The following FAM90A1 variants were observed in gnomAD, a reference collection of about 807,000 sequenced individuals.
FAM90A1 encodes the protein family with sequence similarity 90 member A1, also known as protein FAM90A1.
Under a neutral mutation model 14.8 loss-of-function variants are expected in FAM90A1, and 10 were observed. The observed-to-expected ratio is 0.67, with a 90% CI of 0.42 to 1.14. FAM90A1 has a LOEUF of 1.14. Ranked by LOEUF, FAM90A1 falls within the 50% of genes most tolerant of loss-of-function variation. The pLI is 0.00. For missense variants in FAM90A1, 567 were observed against 602.8 expected, an observed-to-expected ratio of 0.94 and a Z score of 0.62; for synonymous variants, 236 against 248.4, an observed-to-expected ratio of 0.95 and a Z score of 0.47.
intron 5 of FAM90A1, among the ~76,000 whole-genome samples, 153 bp from the exon 6 acceptor site, chr12:8,223,710 C>T (rs1193447571): frequency 1.3e-5 from 2 of 152,218 alleles, no homozygotes; most frequent in Non-Finnish European, 2.9e-5. Flanking sequence ...CACGTGCCAA[C>T]CTTCCCATCC....
At position 8,221,887 on chromosome 12, in the gene FAM90A1, T is replaced by C. The variant is rs1356674881; in HGVS notation, c.1330A>G (p.Ser444Gly). Residue 444 changes from serine (S) to glycine (G), a missense_variant, in exon 7 of 7, where the codon AGC (serine) becomes GGC (glycine). Transcript: ENST00000538603. ...ACCTGAAGGTCCTCATAGAGGACGCTTGGTGGGACACGAACACAGGGACCC... is the reference window on the plus strand; with the variant it reads ...ACCTGAAGGTCCTCATAGAGGACGCCTGGTGGGACACGAACACAGGGACCC... ...SEGPCVRVPP[S>G]VLYEDLQVPS... 6.3e-7 allele frequency: 1 copy of C among 1,596,448 alleles called. No homozygotes were observed. The highest frequency in any genetic ancestry group is 2.2e-5 in the East Asian group (1 of 44,872).
intron 4 of FAM90A1, 59 bp downstream of exon 4, chr12:8,224,651 C>T: frequency 2.9e-6 from 2 of 685,778 alleles, no homozygotes; most frequent in East Asian, 3.7e-5. Flanking sequence ...CCGTGTGACA[C>T]CCCGTCCCCC....
rs755731777 is a variant in FAM90A1 at position 8,224,157 on chromosome 12, A to G, written c.182T>C (p.Met61Thr). 2 of 1,611,962 alleles carry G rather than the reference A, an allele frequency of 1.2e-6. No individual in the cohort carries two copies. The highest frequency in any genetic ancestry group is 2.2e-5 in the South Asian group (2 of 90,990). Residue 61 changes from methionine to threonine, a missense_variant, in exon 5 of 7, where the codon ATG (methionine) becomes ACG (threonine). Transcript: ENST00000538603. Reference sequence around the variant, plus strand: ...AACCAGGGCTGCCTTCCAGCACTTCATGGGGCACCTGGTACTTCTGGCCGT... The same window carrying G: ...AACCAGGGCTGCCTTCCAGCACTTCGTGGGGCACCTGGTACTTCTGGCCGT... ...GHTARSTRCP[M>T]KCWKAALVPP... is the part of the protein sequence containing the mutation.
At chr12:8,223,730 C>T (rs1948881487) in intron 5 of FAM90A1, among the ~76,000 whole-genome samples, 173 bp from the exon 6 acceptor site, 1 of 152,168 alleles carries the variant, frequency 6.6e-6, no homozygotes, top group Non-Finnish European at 1.5e-5. Context: ...CTCCAGGTGG[C>T]CCTCTAGGCT....
At chr12:8,224,541 G>T (rs187215412) in intron 4 of FAM90A1, among the ~76,000 whole-genome samples, 169 bp downstream of exon 4, 4,625 of 152,224 alleles carry the variant, frequency 0.03, 256 homozygotes, top group African/African-American at 0.11. Context: ...GGGGCCTATC[G>T]GGCCGGGGAG....
At position 8,221,348 on chromosome 12, in the gene FAM90A1, G is replaced by GA. The variant is rs1218968980; in HGVS notation, c.*473dup. ...CCAGAGCCCACTTTTCGAGGCTGAG[G>GA]AAAGACCCCGAGAGCGCTTTGCACA... On this transcript the variant is annotated 3_prime_UTR_variant, in exon 7 of 7. Transcript: ENST00000538603. The GA allele has an allele frequency of 4.7e-6, 1 of 212,310 alleles. No individual in the cohort carries two copies. Among genetic ancestry groups the GA allele is most frequent in the Non-Finnish European group, 9.4e-6 (1 of 106,140 alleles). The allele number at this position is 212,310 out of a possible 1,614,324, so 13.2% of individuals were successfully genotyped here.
At position 8,221,813 on chromosome 12, in the gene FAM90A1, C is replaced by T; in HGVS notation, c.*9G>A. ...GCTGGAGGCCAAGGAGCCCCTGCCA[C>T]CTGCAGTCTCACTCCAGGTCAGAAT... On this transcript the variant is annotated 3_prime_UTR_variant, in exon 7 of 7. Transcript: ENST00000538603. 6.3e-7 allele frequency: 1 copy of T among 1,595,158 alleles called. No homozygotes were observed.
intron 1 of FAM90A1, among the ~76,000 whole-genome samples, 188 bp from the exon 2 acceptor site, chr12:8,226,666 T>C (rs985070101): frequency 2.6e-5 from 4 of 152,156 alleles, no homozygotes; most frequent in African/African-American, 9.7e-5. Context: ...TATACTGCTT[T>C]ACATGTGGGA....
At chr12:8,225,607 T>C (rs775545957) in intron 3 of FAM90A1, among the ~76,000 whole-genome samples, 8 of 152,230 alleles carry the variant, frequency 5.3e-5, no homozygotes, top group Non-Finnish European at 8.8e-5. Context: ...TACCCACCAA[T>C]TCAGCATGCT....
chr12:8,223,932 AGGCACACGGTGTGCAG>A (rs1393800644), intron 5 of FAM90A1, 68 bp downstream of exon 5: 1 of 1,337,448 alleles, frequency 7.5e-7, no homozygotes, highest in African/African-American at 1.5e-5. Flanking sequence ...GGAGACGGAA[AGGCACACGGTGTGCAG>A]GTGCAGAGAC....
At position 8,222,249 on chromosome 12, in the gene FAM90A1, C is replaced by T. The variant is rs758289413; in HGVS notation, c.968G>A (p.Gly323Asp). ...FQIPESAIQG[G>D]ELGAPENLQP... ...GAGATTCTCCGGGGCCCCCAGCTCA[C>T]CTCCCTGGATGGCGCTTTCGGGGAT... The change falls in exon 7 of 7, where the codon GGT (glycine) becomes GAT (aspartate). Residue 323 changes from glycine (G) to aspartate (D), a missense_variant. Coordinates refer to ENST00000538603, the MANE Select transcript of FAM90A1 (RefSeq NM_018088.3). 163 of 1,611,270 alleles carry T rather than the reference C, an allele frequency of 1.0e-4. No individual in the cohort carries two copies. The highest frequency in any genetic ancestry group is 1.2e-4 in the Non-Finnish European group (146 of 1,179,878).
At position 8,227,589 on chromosome 12, in the gene FAM90A1, G is replaced by A. The variant is rs541540534; in HGVS notation, c.-530C>T. On this transcript the variant is annotated 5_prime_UTR_variant, in exon 1 of 7. Coordinates refer to ENST00000538603, the MANE Select transcript of FAM90A1 (RefSeq NM_018088.3). ...TCTCGGGGCTCCTGGGTTGCTTCTG[G>A]AAGGGCCCGGATGGGGCCTGACTGG... 98 of 1,503,396 alleles carry A rather than the reference G, an allele frequency of 6.5e-5. 1 individual carries two copies. In the Middle Eastern group the frequency reaches 1.4e-3, roughly 22 times the overall value. The allele number at this position is 1,503,396 out of a possible 1,614,324, so 93.1% of individuals were successfully genotyped here. A position where few individuals can be genotyped will look rare whatever the true frequency, so the allele number is the denominator to read the frequency against.
chr12:8,221,629 C>T lies in FAM90A1; in HGVS notation c.*193G>A. On this transcript the variant is annotated 3_prime_UTR_variant, in exon 7 of 7. Transcript: ENST00000538603. ...ACCATGCGAACTACAATGTCCCTCACCAGAATTCAACGTGGCAGAGTCCCT... is the reference window on the plus strand; with the variant it reads ...ACCATGCGAACTACAATGTCCCTCATCAGAATTCAACGTGGCAGAGTCCCT... 1 of 670,876 alleles carries T rather than the reference C, an allele frequency of 1.5e-6. No individual in the cohort carries two copies. Among genetic ancestry groups the T allele is most frequent in the South Asian group, 1.9e-5 (1 of 52,652 alleles). The allele number at this position is 670,876 out of a possible 1,614,324, so 41.6% of individuals were successfully genotyped here.
chr12:8,221,786 G>C lies in FAM90A1; in HGVS notation c.*36C>G. 1 of 1,568,440 alleles carries C rather than the reference G, an allele frequency of 6.4e-7. No homozygotes were observed. The highest frequency in any genetic ancestry group is 2.2e-5 in the East Asian group (1 of 44,708). On this transcript the variant is annotated 3_prime_UTR_variant, in exon 7 of 7. Transcript: ENST00000538603. ...TCCCACAGTCCCCTCCAAGTCACGG[G>C]AGCTGGAGGCCAAGGAGCCCCTGCC... is the stretch of plus-strand genomic sequence containing the variant.
intron 1 of FAM90A1, 109 bp downstream of exon 1, chr12:8,227,371 G>T (rs2953218): frequency 0.32 from 104,848 of 322,768 alleles, 13,274 homozygotes; most frequent in East Asian, 0.45. Flanking sequence ...TGCGCCATGT[G>T]ATCTGGGGGC....
rs1948889963 is a variant in FAM90A1 at position 8,224,139 on chromosome 12, G to A, written c.200C>T (p.Ala67Val). The change falls in exon 5 of 7, where the codon GCC (alanine) becomes GTC (valine). Residue 67 changes from alanine to valine, a missense_variant. Ala to Val is a moderately conservative substitution (Grantham distance 64). Transcript: ENST00000538603. ...TTCCCCAAAGTTCGGTGGAACCAGGGCTGCCTTCCAGCACTTCATGGGGCA... is the reference window on the plus strand; with the variant it reads ...TTCCCCAAAGTTCGGTGGAACCAGGACTGCCTTCCAGCACTTCATGGGGCA... ...TRCPMKCWKA[A>V]LVPPNFGEKE... 6.2e-6 allele frequency: 10 copies of A among 1,611,904 alleles called. 1 individual carries two copies. Among genetic ancestry groups the A allele is most frequent in the South Asian group, 5.5e-5 (5 of 90,996 alleles).
intron 3 of FAM90A1, 75 bp from the exon 4 acceptor site, chr12:8,224,963 G>A (rs1266609028): frequency 1.0e-4 from 121 of 1,179,080 alleles, no homozygotes; most frequent in East Asian, 1.7e-4. Flanking sequence ...GAAGCCCCCC[G>A]CTAATTCCTT....
rs1307469932 is a variant in FAM90A1, at chr12:8,226,360, C to G, written c.-302G>C. The G allele has an allele frequency of 3.3e-5, 5 of 152,374 alleles. No homozygotes were observed. Among genetic ancestry groups the G allele is most frequent in the Non-Finnish European group, 5.9e-5 (4 of 68,056 alleles). The allele number at this position is 152,374 out of a possible 1,614,324, so 9.4% of individuals were successfully genotyped here. ...CTTGACATGCAGTCACGGCCATGATCCATCTTCAGAGCTTCTCTTTCTTCC... is the reference window on the plus strand; with the variant it reads ...CTTGACATGCAGTCACGGCCATGATGCATCTTCAGAGCTTCTCTTTCTTCC... On this transcript the variant is annotated 5_prime_UTR_variant, in exon 2 of 7. Coordinates refer to ENST00000538603, the MANE Select transcript of FAM90A1 (RefSeq NM_018088.3).
Position 8,221,397 on chromosome 12 carries a change from A to T in FAM90A1, c.*425T>A, listed in dbSNP as rs142212247. ...CAGCGCGCTTCCCAGCGTCCGAAAC[A>T]CTGCTCTCAGGGCGGGGCACAGCGG... On this transcript the variant is annotated 3_prime_UTR_variant, in exon 7 of 7. Coordinates refer to ENST00000538603, the MANE Select transcript of FAM90A1 (RefSeq NM_018088.3). 247 of 312,584 alleles carry T rather than the reference A, an allele frequency of 7.9e-4. No individual in the cohort carries two copies. The highest frequency in any genetic ancestry group is 3.5e-3 in the South Asian group (106 of 30,200). The allele number at this position is 312,584 out of a possible 1,614,324, so 19.4% of individuals were successfully genotyped here. A position where few individuals can be genotyped will look rare whatever the true frequency, so the allele number is the denominator to read the frequency against.
Sources: gnomAD v4.1 joint callset for allele counts (sites outside exome capture counted in the v4.1 genomes callset) on GRCh38, gnomAD v4.1.1 for gene constraint, MANE v1.5 for transcripts, NCBI Gene and HGNC (gene_info 2026-07-23, HGNC 2026-07-21) for gene names.